The following MAPKAP1 variants were observed in gnomAD, a reference collection of about 807,000 sequenced individuals.
MAPKAP1 encodes target of rapamycin complex 2 subunit MAPKAP1.
A neutral mutation model predicts 65.7 loss-of-function variants in MAPKAP1; 20 were observed. The observed-to-expected ratio is 0.30, with a 90% CI of 0.21 to 0.44. The LOEUF is 0.44. MAPKAP1 is among the 20% of genes least tolerant of loss of function. The pLI is 1.00. For synonymous variants in MAPKAP1, 222 were observed against 244.3 expected, an observed-to-expected ratio of 0.91 and a Z score of 0.85; for missense variants, 423 against 648.0, an observed-to-expected ratio of 0.65 and a Z score of 3.77.
chr9:125,551,647 G>A (rs1322649268), intron 6 of MAPKAP1, among the ~76,000 whole-genome samples: 1 of 151,400 alleles, frequency 6.6e-6, no homozygotes, highest in Non-Finnish European at 1.5e-5. Flanking sequence ...TATTGGCCTT[G>A]ACTTTTTTTT....
chr9:125,630,554 G>A (rs1445316696), intron 4 of MAPKAP1, among the ~76,000 whole-genome samples: 2 of 152,118 alleles, frequency 1.3e-5, no homozygotes, highest in Non-Finnish European at 2.9e-5. Context: ...TTACAGATGA[G>A]GAAATCTTTG....
chr9:125,610,485 G>T (rs1328418552), intron 4 of MAPKAP1, among the ~76,000 whole-genome samples: 2 of 152,162 alleles, frequency 1.3e-5, no homozygotes, highest in Non-Finnish European at 2.9e-5. Context: ...TGCCAAACAA[G>T]GTGACATGAA....
At chr9:125,671,486 C>T (rs1834496195) in intron 2 of MAPKAP1, among the ~76,000 whole-genome samples, 1 of 152,042 alleles carries the variant, frequency 6.6e-6, no homozygotes. Context: ...TAGCAGGTTA[C>T]TGCTAATTTG....
intron 4 of MAPKAP1, among the ~76,000 whole-genome samples, chr9:125,654,929 T>C (rs1833988250): frequency 6.6e-6 from 1 of 152,150 alleles, no homozygotes; most frequent in Non-Finnish European, 1.5e-5. Context: ...CATATTTAAT[T>C]AGACCCCAAA....
At chr9:125,688,326 C>T (rs1034137665) in intron 1 of MAPKAP1, among the ~76,000 whole-genome samples, 24 of 152,044 alleles carry the variant, frequency 1.6e-4, no homozygotes, top group African/African-American at 5.8e-4. Context: ...TTAGTAGAGA[C>T]CGGGTTTCAC....
intron 7 of MAPKAP1, among the ~76,000 whole-genome samples, chr9:125,532,858 AT>A (rs1589263550): frequency 1.3e-5 from 2 of 152,252 alleles, no homozygotes; most frequent in East Asian, 3.8e-4. Context: ...AGACTAAAGT[AT>A]TTAATAAACA....
At chr9:125,455,756 G>A (rs972926996) in intron 10 of MAPKAP1, among the ~76,000 whole-genome samples, 12 of 152,202 alleles carry the variant, frequency 7.9e-5, no homozygotes, top group African/African-American at 2.9e-4. Context: ...TTGGCCTGTG[G>A]GCCACAGTTT....
intron 5 of MAPKAP1, among the ~76,000 whole-genome samples, chr9:125,577,445 AG>A (rs1360133500): frequency 2.5e-4 from 34 of 138,400 alleles, no homozygotes; most frequent in African/African-American, 9.1e-4. Flanking sequence ...TGGGGGGATC[AG>A]CCCCCCGCCC....
At chr9:125,613,032 A>G (rs1172847004) in intron 4 of MAPKAP1, among the ~76,000 whole-genome samples, 1 of 152,220 alleles carries the variant, frequency 6.6e-6, no homozygotes. Flanking sequence ...TTTAAGACCT[A>G]GACCAGCCAA....
chr9:125,575,996 T>A (rs1831382834), intron 5 of MAPKAP1, among the ~76,000 whole-genome samples: 1 of 152,196 alleles, frequency 6.6e-6, no homozygotes, highest in South Asian at 2.1e-4. Context: ...ATCCATGCAG[T>A]CCATTACTTA....
intron 9 of MAPKAP1, among the ~76,000 whole-genome samples, chr9:125,482,080 C>T (rs959409098): frequency 6.2e-5 from 9 of 144,210 alleles, no homozygotes; most frequent in African/African-American, 2.3e-4. Context: ...TGCAGTGAGC[C>T]GAGATCAAGT....
chr9:125,506,637 C>T (rs1278804533), intron 7 of MAPKAP1, among the ~76,000 whole-genome samples: 3 of 152,160 alleles, frequency 2.0e-5, no homozygotes, highest in Non-Finnish European at 2.9e-5. Flanking sequence ...ACTCAGTTCT[C>T]CCCGAAACCA....
In MAPKAP1 at chr9:125,447,301, G is replaced by A; in HGVS notation, c.1346-2703C>T. Reference sequence around the variant, plus strand: ...TCTCCCTCAAGCCTCCGGTCTGTTTGTCCTTTCCAGTGAAAGCACTCACGC... The same window carrying A: ...TCTCCCTCAAGCCTCCGGTCTGTTTATCCTTTCCAGTGAAAGCACTCACGC... On this transcript the variant is annotated intron_variant, in intron 10 of 11. Coordinates refer to ENST00000265960, the MANE Select transcript of MAPKAP1 (RefSeq NM_001006617.3). This position sits in a 1 kb window ranked among gnomAD's most constrained non-coding sequence, Gnocchi z 4.5. The A allele has an allele frequency of 2.3e-6, 1 of 427,150 alleles. No homozygotes were observed. The highest frequency in any genetic ancestry group is 2.4e-5 in the Admixed American group (1 of 41,168). 26.5% of individuals were successfully genotyped at this position (427,150 alleles called of 1,614,324 possible). A position where few individuals can be genotyped will look rare whatever the true frequency, so the allele number is the denominator to read the frequency against.
At chr9:125,528,993 CCT>C (rs772411195) in intron 7 of MAPKAP1, among the ~76,000 whole-genome samples, 1 of 151,174 alleles carries the variant, frequency 6.6e-6, no homozygotes, top group Non-Finnish European at 1.5e-5. Context: ...GGCGAAAACC[CCT>C]GTCTAAAAAT....
At chr9:125,569,067 C>G (rs893465773) in intron 5 of MAPKAP1, among the ~76,000 whole-genome samples, 26 of 152,154 alleles carry the variant, frequency 1.7e-4, no homozygotes, top group African/African-American at 5.8e-4. Flanking sequence ...GCTTAGAACA[C>G]CTGTAAGCCC....
chr9:125,469,469 A>G (rs1853816739), intron 9 of MAPKAP1, among the ~76,000 whole-genome samples: 1 of 152,260 alleles, frequency 6.6e-6, no homozygotes, highest in African/African-American at 2.4e-5. Context: ...CCATACATTT[A>G]TATTTTATTT....
At chr9:125,480,676 G>C (rs1410440966) in intron 9 of MAPKAP1, among the ~76,000 whole-genome samples, 3 of 152,176 alleles carry the variant, frequency 2.0e-5, no homozygotes, top group Admixed American at 2.0e-4. Flanking sequence ...CTACTGCTTA[G>C]AATATGCTTC....
chr9:125,509,460 C>A (rs1240911558), intron 7 of MAPKAP1, among the ~76,000 whole-genome samples: 1 of 152,064 alleles, frequency 6.6e-6, no homozygotes, highest in African/African-American at 2.4e-5. Flanking sequence ...TTTAAAAACA[C>A]CAGATAAACT....
rs549915317 is a variant in MAPKAP1, at chr9:125,447,186, T to C, written c.1346-2588A>G. 6.9e-6 allele frequency: 2 copies of C among 288,590 alleles called. No homozygotes were observed. The highest frequency in any genetic ancestry group is 6.3e-5 in the South Asian group (2 of 31,630). The allele number at this position is 288,590 out of a possible 1,614,324, so 17.9% of individuals were successfully genotyped here. A position where few individuals can be genotyped will look rare whatever the true frequency, so the allele number is the denominator to read the frequency against. ...TGGTTGCATGTGGAGGCTGTGTGTG[T>C]CTCCTGCCTATCCCCAGGGCTCATT... On this transcript the variant is annotated intron_variant, in intron 10 of 11. Transcript: ENST00000265960. This position sits in a 1 kb window ranked among gnomAD's most constrained non-coding sequence, Gnocchi z 4.5.
Sources: gnomAD v4.1 joint callset for allele counts (sites outside exome capture counted in the v4.1 genomes callset) on GRCh38, gnomAD v4.1.1 for gene constraint, Gnocchi (gnomAD v3.1) non-coding constraint, MANE v1.5 for transcripts, NCBI Gene and HGNC (gene_info 2026-07-23, HGNC 2026-07-21) for gene names.